The following SYCE2 variants were observed in gnomAD, a reference collection of about 807,000 sequenced individuals.
SYCE2 encodes central element synaptonemal complex 1.
In SYCE2, 3 loss-of-function variants were observed where a neutral mutation model predicts 27.9. That is an observed-to-expected ratio of 0.11 (90% CI 0.05 to 0.28). SYCE2 has a LOEUF of 0.28. Ranked by LOEUF, SYCE2 falls within the 10% of genes least tolerant of loss-of-function variation. The probability of loss-of-function intolerance (pLI) is 1.00; values close to 1 mark genes in which losing one functional copy is unlikely to be tolerated. For synonymous variants in SYCE2, 85 were observed against 100.7 expected, an observed-to-expected ratio of 0.84 and a Z score of 0.93; for missense variants, 207 against 263.5, an observed-to-expected ratio of 0.79 and a Z score of 1.48.
At chr19:12,909,574 A>AT (rs199750097) in intron 2 of SYCE2, among the ~76,000 whole-genome samples, 3,046 of 150,714 alleles carry the variant, frequency 0.02, 48 homozygotes, top group Middle Eastern at 0.062. Flanking sequence ...TTTTTAATTA[A>AT]TTTTTTTTTC....
intron 2 of SYCE2, among the ~76,000 whole-genome samples, chr19:12,915,911 A>G (rs961917784): frequency 1.3e-5 from 2 of 152,036 alleles, no homozygotes; most frequent in Non-Finnish European, 2.9e-5. Flanking sequence ...CTGGCTCCCC[A>G]TTCCAGGCTG....
chr19:12,905,009 A>G (rs1397772929), intron 2 of SYCE2, among the ~76,000 whole-genome samples: 1 of 151,802 alleles, frequency 6.6e-6, no homozygotes, highest in Non-Finnish European at 1.5e-5. Context: ...GTCTAAAAAA[A>G]AAAAAAGGAC....
intron 1 of SYCE2, among the ~76,000 whole-genome samples, chr19:12,918,626 G>C (rs1971182601): frequency 6.6e-6 from 1 of 152,164 alleles, no homozygotes; most frequent in Non-Finnish European, 1.5e-5. Flanking sequence ...ATGTGTGTTG[G>C]CTGGAGTCCT....
chr19:12,913,530 T>A (rs1480195458), intron 2 of SYCE2, among the ~76,000 whole-genome samples: 1 of 152,166 alleles, frequency 6.6e-6, no homozygotes. Flanking sequence ...AATGTTTTGC[T>A]GAAGTACAGC....
At position 12,904,623 on chromosome 19, in the gene SYCE2, A is replaced by G. The variant is rs1046343253; in HGVS notation, c.175T>C (p.Tyr59His). The G allele has an allele frequency of 6.2e-7, 1 of 1,614,030 alleles. No homozygotes were observed. Among genetic ancestry groups the G allele is most frequent in the Non-Finnish European group, 8.5e-7 (1 of 1,180,002 alleles). The part of the protein sequence containing the change: ...LTVLEGKSGL[Y>H]FSSLDSSIDI... ...ATGCTTGAGTCCAGAGAGGAGAAGT[A>G]GAGTCCCGACTTCCCTTCCAGGACC... The change falls in exon 3 of 6, where the codon TAC becomes CAC. Residue 59 changes from tyrosine (Y) to histidine (H), a missense_variant. Physicochemically the swap from Tyr to His is moderately conservative, Grantham distance 83. Transcript: ENST00000293695.
At position 12,912,183 on chromosome 19, in the gene SYCE2, G is replaced by A. The variant is rs370906993; in HGVS notation, c.131+6039C>T. ...GAACTCCTGACCTCGTGATCTGCCC[G>A]CCTTGGCCTCCCAAAGTGCTGGGAT... On this transcript the variant is annotated intron_variant, in intron 2 of 5. Transcript: ENST00000293695. Among the ~76,000 whole-genome samples, 3 of 151,420 alleles carry A rather than the reference G, an allele frequency of 2.0e-5. No homozygotes were observed. The South Asian group carries it at 6.2e-4, about 31-fold the overall frequency.
intron 1 of SYCE2, 87 bp from the exon 2 acceptor site, chr19:12,918,424 C>T: frequency 5.6e-6 from 7 of 1,246,398 alleles, no homozygotes; most frequent in Non-Finnish European, 8.2e-6. Flanking sequence ...CCCTGGTCAC[C>T]TCGATGTGCT....
chr19:12,918,965 A>G (rs1323425411), intron 1 of SYCE2, among the ~76,000 whole-genome samples: 2 of 150,894 alleles, frequency 1.3e-5, no homozygotes, highest in Non-Finnish European at 3.0e-5. Flanking sequence ...AAAAAAAAAA[A>G]AAGAAATGAA....
At chr19:12,904,792 A>T (rs1455766397) in intron 2 of SYCE2, 126 bp from the exon 3 acceptor site, 1 of 1,069,534 alleles carries the variant, frequency 9.3e-7, no homozygotes, top group Non-Finnish European at 1.3e-6. Flanking sequence ...CAAGGTCAGG[A>T]GTTCGAGACC....
At chr19:12,906,257 C>T (rs1334693668) in intron 2 of SYCE2, 1 of 152,174 alleles carries the variant, frequency 6.6e-6, no homozygotes, top group Non-Finnish European at 1.5e-5. Flanking sequence ...ACCTGCACCT[C>T]CTTGCTCCCA....
intron 2 of SYCE2, among the ~76,000 whole-genome samples, chr19:12,908,200 T>TC (rs1200273295): frequency 7.0e-6 from 1 of 143,746 alleles, no homozygotes; most frequent in African/African-American, 2.6e-5. Flanking sequence ...CCACCCGGTC[T>TC]CCCCCAGCCG....
intron 2 of SYCE2, among the ~76,000 whole-genome samples, chr19:12,910,042 T>C (rs1414374092): frequency 1.3e-5 from 2 of 151,914 alleles, no homozygotes; most frequent in Non-Finnish European, 2.9e-5. Flanking sequence ...AATTTTTGTA[T>C]TTTTAGTAGA....
At chr19:12,918,486 G>A (rs1971179549) in intron 1 of SYCE2, 149 bp from the exon 2 acceptor site, 2 of 694,164 alleles carry the variant, frequency 2.9e-6, no homozygotes, top group Admixed American at 2.2e-5. Context: ...TGGGGCAGGT[G>A]CCATGAGGGC....
At chr19:12,910,055 C>T (rs1449231017) in intron 2 of SYCE2, among the ~76,000 whole-genome samples, 11 of 151,788 alleles carry the variant, frequency 7.2e-5, no homozygotes, top group East Asian at 1.9e-4. Context: ...TTAGTAGAGA[C>T]GGGGTTTCAA....
intron 3 of SYCE2, among the ~76,000 whole-genome samples, chr19:12,902,512 G>A (rs1287100355): frequency 6.6e-6 from 1 of 152,148 alleles, no homozygotes; most frequent in Non-Finnish European, 1.5e-5. Flanking sequence ...GTGCACACCT[G>A]TAGTCTCAGC....
At chr19:12,913,061 C>G (rs942378787) in intron 2 of SYCE2, among the ~76,000 whole-genome samples, 1 of 152,206 alleles carries the variant, frequency 6.6e-6, no homozygotes, top group South Asian at 2.1e-4. Context: ...CTTCTGTTGC[C>G]GAACCCTGGA....
Position 12,898,922 on chromosome 19 carries a change from GAGAGGCGGCTTCAGATGGGC to G in SYCE2, c.*399_*418del, listed in dbSNP as rs1372446773. 1 of 234,928 alleles carries G rather than the reference GAGAGGCGGCTTCAGATGGGC, an allele frequency of 4.3e-6. No homozygotes were observed. Among genetic ancestry groups the G allele is most frequent in the Non-Finnish European group, 8.5e-6 (1 of 117,808 alleles). 14.6% of individuals were successfully genotyped at this position (234,928 alleles called of 1,614,324 possible). A position where few individuals can be genotyped will look rare whatever the true frequency, so the allele number is the denominator to read the frequency against. On this transcript the variant is annotated 3_prime_UTR_variant, in exon 6 of 6. Transcript: ENST00000293695. Reference sequence around the variant, plus strand: ...GGGCATGGGGTGTGGGATTCTCTGGGAGAGGCGGCTTCAGATGGGCAGAGGTCAGCTGAGGCAAGTGACTG... The same window carrying G: ...GGGCATGGGGTGTGGGATTCTCTGGGAGAGGTCAGCTGAGGCAAGTGACTG...
chr19:12,903,804 G>T (rs951773283), intron 3 of SYCE2, among the ~76,000 whole-genome samples: 1 of 151,836 alleles, frequency 6.6e-6, no homozygotes, highest in Non-Finnish European at 1.5e-5. Context: ...CACCATGTTG[G>T]CCAGGCTGGT....
intron 3 of SYCE2, among the ~76,000 whole-genome samples, chr19:12,904,268 G>C (rs1398857694): frequency 6.6e-6 from 1 of 152,162 alleles, no homozygotes; most frequent in Non-Finnish European, 1.5e-5. Flanking sequence ...TTGAGATACA[G>C]ATGGTCCCAA....
Sources: allele counts gnomAD v4.1 joint callset (sites outside exome capture counted in the v4.1 genomes callset), GRCh38; gene constraint gnomAD v4.1.1; transcripts MANE v1.5; gene names NCBI Gene and HGNC (gene_info 2026-07-23, HGNC 2026-07-21).